The following CCSER1 variants were observed in gnomAD, a reference collection of about 807,000 sequenced individuals.
CCSER1 encodes coiled-coil serine rich protein 1.
A neutral mutation model predicts 82.0 loss-of-function variants in CCSER1; 41 were observed. The observed-to-expected ratio is 0.50, with a 90% CI of 0.39 to 0.65. The LOEUF (loss-of-function observed/expected upper bound fraction) is 0.65, where lower values mean the gene tolerates loss of function less well. Ranked by LOEUF, CCSER1 falls within the 30% of genes least tolerant of loss-of-function variation. The pLI, the probability that CCSER1 is intolerant of heterozygous loss-of-function variation, is 0.00. For synonymous variants in CCSER1, 414 were observed against 383.9 expected, an observed-to-expected ratio of 1.08 and a Z score of -0.92; for missense variants, 1,119 against 1,064.2, an observed-to-expected ratio of 1.05 and a Z score of -0.72.
chr4:90,775,904 T>A (rs951636805), intron 7 of CCSER1, among the ~76,000 whole-genome samples: 4 of 151,666 alleles, frequency 2.6e-5, no homozygotes, highest in African/African-American at 9.7e-5. Flanking sequence ...AACTATCTAG[T>A]TGCCATGTGT....
In CCSER1 at chr4:90,515,521, T is replaced by TCTCA. The variant is rs143488276; in HGVS notation, c.1724+47170_1724+47171insACTC. 7.5e-3 allele frequency among the ~76,000 whole-genome samples: 1,148 copies of TCTCA among 152,308 alleles called. 5 individuals are homozygous for TCTCA. Among genetic ancestry groups the TCTCA allele is most frequent in the African/African-American group, 0.019 (780 of 41,566 alleles). On this transcript the variant is annotated intron_variant, in intron 5 of 10. Transcript: ENST00000509176. ...ATTATTTTTATTTAAGCCTTTATTC[T>TCTCA]CTCCACTGGGAAATCTTCTTAAATT... is the stretch of plus-strand genomic sequence containing the variant.
intron 9 of CCSER1, among the ~76,000 whole-genome samples, chr4:90,954,017 A>G (rs1733178824): frequency 6.6e-6 from 1 of 151,896 alleles, no homozygotes. Context: ...AGCTTCTACT[A>G]TCGGATTGAA....
intron 5 of CCSER1, among the ~76,000 whole-genome samples, chr4:90,618,548 G>A (rs182621105): frequency 5.3e-5 from 8 of 151,940 alleles, no homozygotes; most frequent in South Asian, 2.1e-4. Flanking sequence ...ACTATTTTAT[G>A]TGATAATGAA....
At chr4:90,455,022 C>G (rs530388416) in intron 4 of CCSER1, among the ~76,000 whole-genome samples, 1 of 152,268 alleles carries the variant, frequency 6.6e-6, no homozygotes, top group East Asian at 1.9e-4. Flanking sequence ...GGAGGTACCT[C>G]TGGGGTTTGC....
intron 1 of CCSER1, among the ~76,000 whole-genome samples, chr4:90,215,445 G>A (rs1740836618): frequency 1.3e-5 from 2 of 152,064 alleles, no homozygotes; most frequent in Non-Finnish European, 2.9e-5. Context: ...AGTTACTTTC[G>A]ACCTTTAGTA....
chr4:91,246,604 C>G (rs1381530549), intron 10 of CCSER1, among the ~76,000 whole-genome samples: 1 of 152,124 alleles, frequency 6.6e-6, no homozygotes, highest in African/African-American at 2.4e-5. Flanking sequence ...TGTTGCAGCA[C>G]TGTTTACAAT....
chr4:90,855,211 C>A (rs1008259186), intron 8 of CCSER1, among the ~76,000 whole-genome samples: 4 of 152,064 alleles, frequency 2.6e-5, no homozygotes, highest in Non-Finnish European at 4.4e-5. Flanking sequence ...CAGTCAGAAT[C>A]CAAATAGATG....
rs186113432 is a variant in CCSER1 at position 90,661,503 on chromosome 4, A to G, written c.1932+33271A>G. ...GTAAAGGCTTCTTAGAAAACATTAA[A>G]CTAGTAGAGATTATTCAGCCTGAAG... On this transcript the variant is annotated intron_variant, in intron 6 of 10. Transcript: ENST00000509176. Among the ~76,000 whole-genome samples the G allele has an allele frequency of 1.1e-3, 166 of 152,302 alleles. 1 individual carries two copies. Among genetic ancestry groups the G allele is most frequent in the African/African-American group, 3.9e-3 (161 of 41,564 alleles).
chr4:91,479,460 A>C (rs1050096865), intron 10 of CCSER1, among the ~76,000 whole-genome samples: 3 of 151,688 alleles, frequency 2.0e-5, no homozygotes, highest in South Asian at 4.1e-4. Flanking sequence ...GAAGAATCAC[A>C]CACAAAAAGA....
chr4:91,037,745 CTATT>C (rs1741576931), intron 9 of CCSER1, among the ~76,000 whole-genome samples: 1 of 151,514 alleles, frequency 6.6e-6, no homozygotes, highest in Non-Finnish European at 1.5e-5. Flanking sequence ...ATCTTTTAAT[CTATT>C]CATTTATTTT....
At chr4:91,154,313 G>T (rs1455530267) in intron 10 of CCSER1, among the ~76,000 whole-genome samples, 1 of 152,076 alleles carries the variant, frequency 6.6e-6, no homozygotes, top group African/African-American at 2.4e-5. Context: ...TCTGAGCCAG[G>T]CACGGGATAT....
chr4:90,212,928 C>G (rs1167160462), intron 1 of CCSER1, among the ~76,000 whole-genome samples: 3 of 152,110 alleles, frequency 2.0e-5, no homozygotes. Context: ...GCCAGGAGAA[C>G]AGTGTTGTAG....
intron 5 of CCSER1, among the ~76,000 whole-genome samples, chr4:90,499,577 TA>T: frequency 6.6e-6 from 1 of 152,300 alleles, no homozygotes; most frequent in East Asian, 1.9e-4. Flanking sequence ...GTTTTGTTTT[TA>T]TTTTTTTCAC....
chr4:91,063,918 C>T (rs1017437179), intron 9 of CCSER1, among the ~76,000 whole-genome samples: 16 of 152,166 alleles, frequency 1.1e-4, no homozygotes, highest in African/African-American at 3.9e-4. Flanking sequence ...TGGGAAATGT[C>T]AGGATAGTAA....
At chr4:90,492,252 G>A (rs1046531206) in intron 5 of CCSER1, among the ~76,000 whole-genome samples, 2 of 152,244 alleles carry the variant, frequency 1.3e-5, no homozygotes, top group Admixed American at 6.5e-5. Context: ...TTGGGAGAGT[G>A]TATGTGTCCA....
intron 4 of CCSER1, among the ~76,000 whole-genome samples, chr4:90,446,130 A>G (rs534180993): frequency 1.3e-5 from 2 of 152,292 alleles, no homozygotes; most frequent in South Asian, 2.1e-4. Context: ...AATCTGTTCT[A>G]TGATAGAAAG....
chr4:90,616,717 A>G (rs1295814811), intron 5 of CCSER1, among the ~76,000 whole-genome samples: 8 of 126,098 alleles, frequency 6.3e-5, no homozygotes, highest in African/African-American at 2.2e-4. Flanking sequence ...ACACACACAC[A>G]CACACACACA....
chr4:90,417,098 T>C (rs986504566), intron 4 of CCSER1, among the ~76,000 whole-genome samples: 13 of 152,142 alleles, frequency 8.5e-5, no homozygotes, highest in Admixed American at 2.6e-4. Flanking sequence ...ACCTAATGCA[T>C]TCAGGGCTTA....
At chr4:90,221,164 G>A (rs1367570) in intron 1 of CCSER1, among the ~76,000 whole-genome samples, 151,453 of 152,282 alleles carry the variant, frequency 0.99, 75,314 homozygotes, top group East Asian at 1. Context: ...AATAGAATAC[G>A]TAAAATCCTA....
Sources: gnomAD v4.1 joint callset for allele counts (sites outside exome capture counted in the v4.1 genomes callset) on GRCh38, gnomAD v4.1.1 for gene constraint, MANE v1.5 for transcripts, NCBI Gene and HGNC (gene_info 2026-07-23, HGNC 2026-07-21) for gene names.